The following ADAMTS12 variants were observed in gnomAD, a reference collection of about 807,000 sequenced individuals.
The protein encoded by ADAMTS12 is A disintegrin and metalloproteinase with thrombospondin motifs 12.
ADAMTS12 carries 118 observed loss-of-function variants against 167.8 expected under a neutral mutation model. That is an observed-to-expected ratio of 0.70 (90% CI 0.61 to 0.82). The LOEUF is 0.82. Ranked by LOEUF, ADAMTS12 falls within the 40% of genes least tolerant of loss-of-function variation. ADAMTS12 has a pLI of 0.00. For synonymous variants in ADAMTS12, 704 were observed against 716.9 expected (o/e 0.98, Z 0.29); for missense variants, 1,916 against 1,998.8 (o/e 0.96, Z 0.79).
intron 5 of ADAMTS12, among the ~76,000 whole-genome samples, chr5:33,673,939 C>G (rs949937729): frequency 6.6e-6 from 1 of 152,306 alleles, no homozygotes; most frequent in East Asian, 1.9e-4. Context: ...TCCCTGCCCC[C>G]TAGTCTGGTT....
chr5:33,700,787 G>A (rs545872870), intron 3 of ADAMTS12, among the ~76,000 whole-genome samples: 8 of 152,306 alleles, frequency 5.3e-5, no homozygotes, highest in African/African-American at 9.6e-5. Context: ...ATGATTAAGC[G>A]AGACCGGGTG....
At chr5:33,610,355 T>C (rs1561166000) in intron 16 of ADAMTS12, among the ~76,000 whole-genome samples, 1 of 152,218 alleles carries the variant, frequency 6.6e-6, no homozygotes, top group Non-Finnish European at 1.5e-5. Context: ...AGGTACTTGA[T>C]TTTTTAATCA....
At chr5:33,695,669 A>G (rs1742728467) in intron 3 of ADAMTS12, among the ~76,000 whole-genome samples, 1 of 152,204 alleles carries the variant, frequency 6.6e-6, no homozygotes, top group Non-Finnish European at 1.5e-5. Flanking sequence ...AGAAAGTAGA[A>G]TGCTGGTTGC....
At chr5:33,841,520 G>A (rs1449184918) in intron 2 of ADAMTS12, among the ~76,000 whole-genome samples, 1 of 152,132 alleles carries the variant, frequency 6.6e-6, no homozygotes, top group African/African-American at 2.4e-5. Flanking sequence ...CTTTCAAATA[G>A]GGTGGCCTAC....
At chr5:33,637,230 C>T (rs924277643) in intron 12 of ADAMTS12, among the ~76,000 whole-genome samples, 17 of 152,238 alleles carry the variant, frequency 1.1e-4, no homozygotes, top group African/African-American at 2.2e-4. Context: ...GAATTTCTGA[C>T]GAAATCACAG....
At position 33,874,954 on chromosome 5, in the gene ADAMTS12, G is replaced by A. The variant is rs186774241; in HGVS notation, c.489+6165C>T. On this transcript the variant is annotated intron_variant, in intron 2 of 23. Coordinates refer to ENST00000504830, the MANE Select transcript of ADAMTS12 (RefSeq NM_030955.4). The stretch of plus-strand genomic sequence containing the variant: ...ATTGTGGCACGTGCCTATAATCCTG[G>A]CTACTCGGGAGGCTGACGCAGGACA... Among the ~76,000 whole-genome samples, 3 of 152,224 alleles carry A rather than the reference G, an allele frequency of 2.0e-5. No individual in the cohort carries two copies. The East Asian group carries it at 5.8e-4, about 29-fold the overall frequency.
At chr5:33,780,905 C>T (rs1021145045) in intron 2 of ADAMTS12, among the ~76,000 whole-genome samples, 6 of 152,148 alleles carry the variant, frequency 3.9e-5, no homozygotes, top group African/African-American at 1.4e-4. Context: ...GTGGTCTCAT[C>T]AGGGAATCTC....
At chr5:33,753,414 G>A (rs11960814) in intron 2 of ADAMTS12, among the ~76,000 whole-genome samples, 262 of 152,292 alleles carry the variant, frequency 1.7e-3, no homozygotes, top group African/African-American at 6.1e-3. Flanking sequence ...GTGCAGTACT[G>A]AGATTTGGTT....
chr5:33,644,754 A>G (rs1740596043), intron 9 of ADAMTS12, among the ~76,000 whole-genome samples: 1 of 150,052 alleles, frequency 6.7e-6, no homozygotes, highest in Non-Finnish European at 1.5e-5. Context: ...TTTTTTTGAC[A>G]GAGTCTCACT....
intron 20 of ADAMTS12, among the ~76,000 whole-genome samples, chr5:33,555,731 G>A (rs1202337287): frequency 6.6e-6 from 1 of 152,200 alleles, no homozygotes; most frequent in African/African-American, 2.4e-5. Flanking sequence ...ATATATTGGT[G>A]ATTTAAATAC....
intron 3 of ADAMTS12, among the ~76,000 whole-genome samples, chr5:33,739,781 C>T (rs530760508): frequency 2.6e-5 from 4 of 152,178 alleles, no homozygotes; most frequent in South Asian, 4.2e-4. Context: ...GCCTGTGCTC[C>T]GAAGTTTGTG....
intron 13 of ADAMTS12, among the ~76,000 whole-genome samples, chr5:33,628,172 C>T (rs1380571633): frequency 2.0e-5 from 3 of 151,902 alleles, no homozygotes; most frequent in Non-Finnish European, 4.4e-5. Flanking sequence ...TGTGTGAAGA[C>T]GGAGGAGTCC....
At chr5:33,855,520 T>C (rs1191763267) in intron 2 of ADAMTS12, among the ~76,000 whole-genome samples, 3 of 152,228 alleles carry the variant, frequency 2.0e-5, no homozygotes, top group Non-Finnish European at 2.9e-5. Flanking sequence ...ATTCTATTTG[T>C]TCTGGTGATT....
chr5:33,633,746 T>C (rs1305064973), intron 12 of ADAMTS12, among the ~76,000 whole-genome samples: 1 of 152,116 alleles, frequency 6.6e-6, no homozygotes, highest in East Asian at 1.9e-4. Flanking sequence ...TCTTAATTCT[T>C]GGGAGTCATC....
chr5:33,648,858 T>A lies in ADAMTS12; in HGVS notation c.1443A>T (p.Gln481His). Residue 481 changes from glutamine to histidine, a missense_variant, in exon 9 of 24, where the codon CAA (glutamine) becomes CAT (histidine). By Grantham distance (24) the Gln-to-His change is conservative (BLOSUM62 0). Coordinates refer to ENST00000504830, the MANE Select transcript of ADAMTS12 (RefSeq NM_030955.4). ...GGCAGAAGGTAGCATTGGGTCCATA[T>A]TGTAGCTGGCACTGGTGGTGAACAT... ...IYDVHHQCQL[Q>H]YGPNATFCQE... is the part of the protein sequence containing the mutation. The A allele has an allele frequency of 6.2e-7, 1 of 1,614,044 alleles. No homozygotes were observed.
At chr5:33,676,762 G>A (rs1026717398) in intron 5 of ADAMTS12, among the ~76,000 whole-genome samples, 1 of 151,608 alleles carries the variant, frequency 6.6e-6, no homozygotes, top group African/African-American at 2.4e-5. Flanking sequence ...CAGTATTTTT[G>A]ACATTTACCC....
At chr5:33,620,281 G>A (rs7717310) in intron 14 of ADAMTS12, among the ~76,000 whole-genome samples, 3,539 of 152,244 alleles carry the variant, frequency 0.023, 152 homozygotes, top group African/African-American at 0.08. Flanking sequence ...TGCTTCTTGG[G>A]AGCATTTCCA....
At chr5:33,667,317 C>CAAAAAAAAAAAAAAAAAAAAAAAAAA (rs5867201) in intron 5 of ADAMTS12, among the ~76,000 whole-genome samples, 1 of 78,390 alleles carries the variant, frequency 1.3e-5, no homozygotes, top group African/African-American at 5.0e-5. Flanking sequence ...GACTCTGTCT[C>CAAAAAAAAAAAAAAAAAAAAAAAAAA]AAAAAAAAAA....
chr5:33,795,765 G>T (rs2112464623), intron 2 of ADAMTS12, among the ~76,000 whole-genome samples: 1 of 152,256 alleles, frequency 6.6e-6, no homozygotes. Flanking sequence ...ACTCCCCACT[G>T]GTAGAAGTAA....
Sources: gnomAD v4.1 joint callset for allele counts (sites outside exome capture counted in the v4.1 genomes callset) on GRCh38, gnomAD v4.1.1 for gene constraint, MANE v1.5 for transcripts, NCBI Gene and HGNC (gene_info 2026-07-23, HGNC 2026-07-21) for gene names.